Variants in ADCY8 observed in about 807,000 individuals in gnomAD.
ADCY8 encodes adenylate cyclase 8, also known as adenylate cyclase type 8.
ADCY8 carries 51 observed loss-of-function variants against 119.7 expected under a neutral mutation model. That is an observed-to-expected ratio of 0.43 (90% CI 0.34 to 0.54). ADCY8 has a LOEUF of 0.54. Ranked by LOEUF, ADCY8 falls within the 20% of genes least tolerant of loss-of-function variation. ADCY8 has a pLI of 0.03. For missense variants in ADCY8, 1,383 were observed against 1,598.8 expected, an observed-to-expected ratio of 0.87 and a Z score of 2.30; for synonymous variants, 665 against 651.0, an observed-to-expected ratio of 1.02 and a Z score of -0.33.
intron 1 of ADCY8, among the ~76,000 whole-genome samples, chr8:131,008,297 G>A (rs1394963335): frequency 6.6e-6 from 1 of 152,144 alleles, no homozygotes; most frequent in Non-Finnish European, 1.5e-5. Flanking sequence ...ATCCAACCTC[G>A]AATGGTAATA....
chr8:130,861,034 A>G (rs551320671), intron 9 of ADCY8, among the ~76,000 whole-genome samples: 5 of 152,234 alleles, frequency 3.3e-5, no homozygotes, highest in African/African-American at 7.2e-5. Flanking sequence ...GTGTGGGTGT[A>G]TTTTGGGGCT....
rs369816294 is a variant in ADCY8, at chr8:130,821,326, C to G, written c.2754+16G>C. On this transcript the variant is annotated intron_variant, in intron 13 of 17. Coordinates refer to ENST00000286355, the MANE Select transcript of ADCY8 (RefSeq NM_001115.3). ...ATGTCAGGTAACAGAGCAGTCAGAG[C>G]GAAATGTTAGATTACCTGCTGTCCA... 2 of 1,609,310 alleles carry G rather than the reference C, an allele frequency of 1.2e-6. No individual in the cohort carries two copies. Among genetic ancestry groups the G allele is most frequent in the African/African-American group, 1.3e-5 (1 of 74,914 alleles).
At chr8:131,009,868 G>A (rs1325192586) in intron 1 of ADCY8, among the ~76,000 whole-genome samples, 1 of 152,186 alleles carries the variant, frequency 6.6e-6, no homozygotes, top group Non-Finnish European at 1.5e-5. Flanking sequence ...AAGCATTTGG[G>A]GAGGTAAAAA....
chr8:130,851,766 A>G (rs1817537514), intron 9 of ADCY8, among the ~76,000 whole-genome samples: 1 of 152,152 alleles, frequency 6.6e-6, no homozygotes, highest in Admixed American at 6.6e-5. Context: ...ATTAACGATG[A>G]CATTAATGTT....
intron 9 of ADCY8, among the ~76,000 whole-genome samples, chr8:130,860,917 T>G (rs9942760): frequency 0.45 from 68,179 of 152,046 alleles, 15,511 homozygotes; most frequent in African/African-American, 0.52. Flanking sequence ...CGTATTAGTT[T>G]GCTGAGAATT....
intron 12 of ADCY8, among the ~76,000 whole-genome samples, chr8:130,823,405 G>C (rs1816579085): frequency 6.6e-6 from 1 of 152,148 alleles, no homozygotes; most frequent in Non-Finnish European, 1.5e-5. Context: ...ATTCCTTAAA[G>C]AACTTCCAAA....
At chr8:130,781,091 A>G (rs1815065790) in intron 17 of ADCY8, among the ~76,000 whole-genome samples, 2 of 152,196 alleles carry the variant, frequency 1.3e-5, no homozygotes, top group South Asian at 4.1e-4. Flanking sequence ...GAATGGAAAT[A>G]ATTAAAGGCA....
chr8:130,975,271 A>T (rs1301532453), intron 2 of ADCY8, among the ~76,000 whole-genome samples: 1 of 152,184 alleles, frequency 6.6e-6, no homozygotes, highest in Admixed American at 6.5e-5. Flanking sequence ...ATTGCACCAC[A>T]TATCTCTCTA....
chr8:130,812,049 A>C (rs998821819), intron 14 of ADCY8, among the ~76,000 whole-genome samples: 3 of 152,072 alleles, frequency 2.0e-5, no homozygotes, highest in Non-Finnish European at 1.5e-5. Flanking sequence ...TATTGATTCT[A>C]TATCCTAAAG....
intron 10 of ADCY8, among the ~76,000 whole-genome samples, chr8:130,848,121 C>T (rs1164697148): frequency 2.0e-5 from 3 of 152,154 alleles, no homozygotes; most frequent in Non-Finnish European, 4.4e-5. Context: ...TTGAAAAATA[C>T]GAAACTCTGA....
At chr8:130,893,542 A>G (rs1819264665) in intron 7 of ADCY8, among the ~76,000 whole-genome samples, 1 of 152,170 alleles carries the variant, frequency 6.6e-6, no homozygotes, top group Non-Finnish European at 1.5e-5. Context: ...AACCTGGAGA[A>G]TTTTAGCTCA....
intron 7 of ADCY8, among the ~76,000 whole-genome samples, chr8:130,890,395 G>A (rs190636557): frequency 1.3e-5 from 2 of 152,112 alleles, no homozygotes; most frequent in South Asian, 2.1e-4. Flanking sequence ...TTGTCCCTAG[G>A]GCAGTGTTTC....
intron 2 of ADCY8, among the ~76,000 whole-genome samples, chr8:130,969,740 T>C (rs1416198594): frequency 6.6e-6 from 1 of 152,146 alleles, no homozygotes; most frequent in East Asian, 1.9e-4. Flanking sequence ...CCTTCTTATG[T>C]ATGTAATGAT....
intron 14 of ADCY8, among the ~76,000 whole-genome samples, chr8:130,801,555 T>A (rs1286185344): frequency 6.6e-6 from 1 of 152,116 alleles, no homozygotes; most frequent in African/African-American, 2.4e-5. Context: ...CTTCTAAGAG[T>A]CTCTTCTAAG....
At chr8:130,945,388 C>G (rs1024406957) in intron 3 of ADCY8, among the ~76,000 whole-genome samples, 1 of 152,220 alleles carries the variant, frequency 6.6e-6, no homozygotes, top group Admixed American at 6.5e-5. Context: ...TTCTACAGTT[C>G]CGTGGTGGCA....
chr8:130,853,379 G>T (rs559392659), intron 9 of ADCY8, among the ~76,000 whole-genome samples: 5 of 152,176 alleles, frequency 3.3e-5, no homozygotes, highest in African/African-American at 9.7e-5. Flanking sequence ...GGTGGAGTGC[G>T]TTGGTTTAAT....
intron 5 of ADCY8, among the ~76,000 whole-genome samples, chr8:130,931,748 T>G (rs1820635301): frequency 6.6e-6 from 1 of 152,154 alleles, no homozygotes; most frequent in Admixed American, 6.5e-5. Context: ...CAGTTTTCAT[T>G]TTGGTTATTA....
intron 2 of ADCY8, among the ~76,000 whole-genome samples, chr8:130,971,567 G>T (rs1282826820): frequency 6.6e-6 from 1 of 151,958 alleles, no homozygotes; most frequent in Non-Finnish European, 1.5e-5. Flanking sequence ...TGAAGAAAAG[G>T]TTACTACTCT....
At chr8:130,936,072 CATGT>C (rs1373697704) in intron 5 of ADCY8, among the ~76,000 whole-genome samples, 3 of 97,082 alleles carry the variant, frequency 3.1e-5, no homozygotes, top group Admixed American at 2.4e-4. Flanking sequence ...CAAGCACTGA[CATGT>C]GTGTGTGTGT....
Sources: gnomAD v4.1 joint callset for allele counts (sites outside exome capture counted in the v4.1 genomes callset) on GRCh38, gnomAD v4.1.1 for gene constraint, MANE v1.5 for transcripts, NCBI Gene and HGNC (gene_info 2026-07-23, HGNC 2026-07-21) for gene names.